The following DLGAP3 variants were observed in gnomAD, a reference collection of about 807,000 sequenced individuals.
DLGAP3 encodes the protein disks large-associated protein 3.
DLGAP3 carries 17 observed loss-of-function variants against 81.2 expected under a neutral mutation model. That is an observed-to-expected ratio of 0.21 (90% CI 0.14 to 0.31). The LOEUF is 0.31. Among genes scored for constraint, DLGAP3 ranks in the 10% least tolerant of loss-of-function variants. DLGAP3 has a pLI of 1.00. For missense variants in DLGAP3, 1,124 were observed against 1,388.0 expected, an observed-to-expected ratio of 0.81 and a Z score of 3.02; for synonymous variants, 577 against 587.4, an observed-to-expected ratio of 0.98 and a Z score of 0.26.
chr1:34,913,898 C>T (rs920910025), intron 1 of DLGAP3, among the ~76,000 whole-genome samples: 5 of 152,150 alleles, frequency 3.3e-5, no homozygotes, highest in Non-Finnish European at 7.3e-5. Context: ...AGCCGCTCTG[C>T]TTAGCAGGTA....
rs1351087525 is a variant in DLGAP3, at chr1:34,865,715, C to T, written c.*368G>A. 9.1e-6 allele frequency: 3 copies of T among 328,414 alleles called. No homozygotes were observed. Among genetic ancestry groups the T allele is most frequent in the South Asian group, 4.9e-5 (2 of 41,028 alleles). The allele number at this position is 328,414 out of a possible 1,614,324, so 20.3% of individuals were successfully genotyped here. A position where few individuals can be genotyped will look rare whatever the true frequency, so the allele number is the denominator to read the frequency against. On this transcript the variant is annotated 3_prime_UTR_variant, in exon 12 of 12. Transcript: ENST00000373347. ...TTGATCCCCACGAAGCCCAGCCCCG[C>T]GGGGTGGGGGAGGGGGGGACGCAGA...
intron 8 of DLGAP3, among the ~76,000 whole-genome samples, chr1:34,878,283 G>A (rs1268226121): frequency 1.3e-5 from 2 of 152,010 alleles, no homozygotes; most frequent in Non-Finnish European, 2.9e-5. Flanking sequence ...TCCAGCCTGG[G>A]TGACAGAGCA....
Position 34,904,933 on chromosome 1 carries a change from C to T in DLGAP3, c.451G>A (p.Gly151Arg), listed in dbSNP as rs771941140. 1.4e-5 allele frequency: 23 copies of T among 1,612,406 alleles called. No individual in the cohort carries two copies. Among genetic ancestry groups the T allele is most frequent in the East Asian group, 4.5e-5 (2 of 44,874 alleles). Residue 151 changes from glycine (G) to arginine (R), a missense_variant, in exon 3 of 12, where the codon GGG (glycine) becomes AGG (arginine). Physicochemically the swap from Gly to Arg is moderately radical, Grantham distance 125. This residue lies in a region of DLGAP3 where 65 missense variants were observed against 78.2 expected (regional missense o/e 0.83). Transcript: ENST00000373347. This position sits in a 1 kb window ranked among gnomAD's most constrained non-coding sequence, Gnocchi z 8.1. ...YQRGPAGAGP[G>R]PAPGTGTAPE... ...GCAGTGCCCGTCCCTGGCGCTGGCC[C>T]GGGCCCTGCCCCTGCTGGCCCTCGC...
chr1:34,869,145 C>A, intron 8 of DLGAP3, 56 bp from the exon 9 acceptor site: 2 of 1,327,906 alleles, frequency 1.5e-6, no homozygotes, highest in Non-Finnish European at 2.1e-6. Context: ...CAGCTCTCAC[C>A]CCCACCCCAA....
rs116999717 is a variant in DLGAP3 at position 34,910,088 on chromosome 1, A to T, written c.-134-2651T>A. Among the ~76,000 whole-genome samples the T allele has an allele frequency of 1.2e-3, 180 of 152,270 alleles. 1 individual carries two copies. The East Asian group carries it at 0.032, about 27-fold the overall frequency. Reference sequence around the variant, plus strand: ...TTATTCTTGGCTTGACTACAACCAGAGCTAGGGCCGCTATCTTGCCACCAC... The same window carrying T: ...TTATTCTTGGCTTGACTACAACCAGTGCTAGGGCCGCTATCTTGCCACCAC... On this transcript the variant is annotated intron_variant, in intron 1 of 11. Coordinates refer to ENST00000373347, the MANE Select transcript of DLGAP3 (RefSeq NM_001080418.3).
In DLGAP3 at chr1:34,904,694, A is replaced by G; in HGVS notation, c.690T>C (p.His230=). 4 of 1,613,412 alleles carry G rather than the reference A, an allele frequency of 2.5e-6. No homozygotes were observed. Among genetic ancestry groups the G allele is most frequent in the Non-Finnish European group, 3.4e-6 (4 of 1,179,906 alleles). Residue 230 remains histidine, a synonymous_variant, in exon 3 of 12, where the codon CAT becomes CAC. Coordinates refer to ENST00000373347, the MANE Select transcript of DLGAP3 (RefSeq NM_001080418.3). This position sits in a 1 kb window ranked among gnomAD's most constrained non-coding sequence, Gnocchi z 8.1. ...CGTGCCGGGACTGGTGGTGGTGGTG[A>G]TGGTGGTGGTGATGGTGGTGATGGG... ...HTSHHHHHHH[H]HHHHQSRHGK...
At chr1:34,920,028 A>C (rs1557505115) in intron 1 of DLGAP3, among the ~76,000 whole-genome samples, 1 of 152,182 alleles carries the variant, frequency 6.6e-6, no homozygotes. Context: ...GCCAGGCATT[A>C]GAAGCTGCCT....
intron 1 of DLGAP3, among the ~76,000 whole-genome samples, chr1:34,910,300 G>A (rs952361404): frequency 6.6e-6 from 1 of 152,154 alleles, no homozygotes; most frequent in Non-Finnish European, 1.5e-5. Context: ...CTGTTCCTGA[G>A]AACACCATCT....
chr1:34,905,914 G>A (rs977767922), intron 2 of DLGAP3, among the ~76,000 whole-genome samples: 1 of 150,600 alleles, frequency 6.6e-6, no homozygotes, highest in Non-Finnish European at 1.5e-5. Context: ...GCTGAGAAGG[G>A]AGGATCACTT....
intron 8 of DLGAP3, among the ~76,000 whole-genome samples, chr1:34,870,247 G>A (rs892608948): frequency 5.9e-5 from 9 of 152,218 alleles, no homozygotes; most frequent in African/African-American, 1.9e-4. Flanking sequence ...GTCAGTGGCC[G>A]CTTAAGATGC....
At chr1:34,888,464 C>T (rs1389545582) in intron 5 of DLGAP3, among the ~76,000 whole-genome samples, 1 of 152,182 alleles carries the variant, frequency 6.6e-6, no homozygotes, top group East Asian at 1.9e-4. Context: ...ACTCAGGCCC[C>T]ACCCCAAGGA....
At chr1:34,912,495 C>T (rs190815079) in intron 1 of DLGAP3, among the ~76,000 whole-genome samples, 21 of 152,300 alleles carry the variant, frequency 1.4e-4, no homozygotes, top group Admixed American at 3.3e-4. Flanking sequence ...CTGGACATGA[C>T]GATCCAAACA....
intron 1 of DLGAP3, among the ~76,000 whole-genome samples, chr1:34,918,550 G>C (rs1344997630): frequency 6.6e-6 from 1 of 152,186 alleles, no homozygotes; most frequent in Non-Finnish European, 1.5e-5. Context: ...GCAGAGGCCC[G>C]GGCAGGGGGG....
chr1:34,905,841 A>G (rs1212596455), intron 2 of DLGAP3, among the ~76,000 whole-genome samples: 1 of 151,480 alleles, frequency 6.6e-6, no homozygotes, highest in African/African-American at 2.4e-5. Context: ...CTGTCTCTAC[A>G]AAACAATTTT....
intron 2 of DLGAP3, among the ~76,000 whole-genome samples, chr1:34,906,882 G>T (rs1487274112): frequency 6.6e-6 from 1 of 152,202 alleles, no homozygotes; most frequent in Admixed American, 6.5e-5. Context: ...TCCAGGAGCT[G>T]CCAGGATAGG....
chr1:34,894,241 A>G (rs1172967868), intron 5 of DLGAP3, among the ~76,000 whole-genome samples: 2 of 150,114 alleles, frequency 1.3e-5, no homozygotes, highest in East Asian at 2.0e-4. Flanking sequence ...CACTCATTCA[A>G]AAGGCATAGT....
chr1:34,885,855 C>T, intron 6 of DLGAP3, 64 bp from the exon 7 acceptor site: 2 of 1,314,888 alleles, frequency 1.5e-6, no homozygotes, highest in South Asian at 1.6e-5. Context: ...GTCCTGGGCC[C>T]GCGCCCGACT....
chr1:34,904,490 G>A lies in DLGAP3; in HGVS notation c.894C>T (p.Asp298=), dbSNP rs1399061400. Residue 298 remains aspartate (D), a synonymous_variant, in exon 3 of 12, where the codon GAC becomes GAT. Transcript: ENST00000373347. This position sits in a 1 kb window ranked among gnomAD's most constrained non-coding sequence, Gnocchi z 8.1. The stretch of plus-strand genomic sequence containing the variant: ...CGCCCGAGCGCCCCTTGAAGCTCAA[G>A]TCCCGGTAGGACCCATCTGGACCCT... ...CLEGPDGSYR[D]LSFKGRSGGS... is the part of the protein sequence containing the mutation. 1 of 1,614,232 alleles carries A rather than the reference G, an allele frequency of 6.2e-7. No homozygotes were observed. The highest frequency in any genetic ancestry group is 8.5e-7 in the Non-Finnish European group (1 of 1,180,042).
intron 8 of DLGAP3, among the ~76,000 whole-genome samples, chr1:34,881,559 A>C (rs143916971): frequency 6.6e-6 from 1 of 151,896 alleles, no homozygotes; most frequent in African/African-American, 2.4e-5. Context: ...AAATAGAAGG[A>C]GCCTGGAGTT....
Sources: gnomAD v4.1 joint callset for allele counts (sites outside exome capture counted in the v4.1 genomes callset) on GRCh38, gnomAD v4.1.1 for gene constraint, gnomAD v4.1.1 regional missense constraint, Gnocchi (gnomAD v3.1) non-coding constraint, MANE v1.5 for transcripts, NCBI Gene and HGNC (gene_info 2026-07-23, HGNC 2026-07-21) for gene names.